The following MYO19 variants were observed in gnomAD, a reference collection of about 807,000 sequenced individuals.
MYO19 encodes the protein unconventional myosin-XIX.
Under a neutral mutation model 129.2 loss-of-function variants are expected in MYO19, and 132 were observed. The ratio of observed to expected loss-of-function variants is 1.02; its 90% CI spans 0.89 to 1.18. MYO19 has a LOEUF of 1.18. Among genes scored for constraint, MYO19 ranks in the 50% most tolerant of loss-of-function variants. The pLI, the probability that MYO19 is intolerant of heterozygous loss-of-function variation, is 0.00. For missense variants in MYO19, 1,210 were observed against 1,216.7 expected, an observed-to-expected ratio of 0.99 and a Z score of 0.08; for synonymous variants, 531 against 477.2, an observed-to-expected ratio of 1.11 and a Z score of -1.47.
At chr17:36,531,884 A>C (rs1273775742) in intron 3 of MYO19, among the ~76,000 whole-genome samples, 3 of 152,190 alleles carry the variant, frequency 2.0e-5, no homozygotes, top group Non-Finnish European at 4.4e-5. Flanking sequence ...GTAAAATAAA[A>C]AGTCAGCAAA....
At chr17:36,505,924 GCCT>G (rs2071851771) in intron 18 of MYO19, among the ~76,000 whole-genome samples, 1 of 152,144 alleles carries the variant, frequency 6.6e-6, no homozygotes, top group Non-Finnish European at 1.5e-5. Context: ...TTTTCCAGGT[GCCT>G]CCTCGAGGTG....
At chr17:36,514,965 C>T (rs1321716346) in intron 8 of MYO19, 148 bp downstream of exon 8, 2 of 656,968 alleles carry the variant, frequency 3.0e-6, no homozygotes, top group Non-Finnish European at 5.2e-6. Flanking sequence ...CAAAGATCAC[C>T]CTCAGAGCTC....
rs998390956 is a variant in MYO19, at chr17:36,510,999, A to G, written c.986-82T>C. The stretch of plus-strand genomic sequence containing the variant: ...GGCACTGTGAAGTCATCACAGCGGG[A>G]CCATGACTTGCCCAACTGGACAGAA... On this transcript the variant is annotated intron_variant, in intron 12 of 25. Transcript: ENST00000614623. 1.5e-5 allele frequency: 21 copies of G among 1,436,072 alleles called. No individual in the cohort carries two copies. In the African/African-American group the frequency reaches 3.0e-4, roughly 20 times the overall value. 89.0% of individuals were successfully genotyped at this position (1,436,072 alleles called of 1,614,324 possible). A position where few individuals can be genotyped will look rare whatever the true frequency, so the allele number is the denominator to read the frequency against.
upstream of MYO19, chr17:36,537,865 T>C (rs199762429): frequency 3.7e-5 from 59 of 1,613,958 alleles, no homozygotes; most frequent in Admixed American, 6.7e-5. Flanking sequence ...CTGTTGATTA[T>C]TTTTCCCCTA....
At chr17:36,538,177 T>C (rs1351557905), upstream of MYO19, 2 of 1,613,852 alleles carry the variant, frequency 1.2e-6, no homozygotes, top group Non-Finnish European at 1.7e-6. Flanking sequence ...GTAGTTCAAG[T>C]AAATGTAGAA....
chr17:36,511,757 G>A (rs1340377562), intron 11 of MYO19, among the ~76,000 whole-genome samples: 1 of 152,184 alleles, frequency 6.6e-6, no homozygotes, highest in Non-Finnish European at 1.5e-5. Context: ...TGTCTCCTGG[G>A]GCAGCCTGTG....
intron 23 of MYO19, 27 bp downstream of exon 23, chr17:36,500,803 G>C (rs1305849766): frequency 6.3e-7 from 1 of 1,590,772 alleles, no homozygotes; most frequent in South Asian, 1.1e-5. Flanking sequence ...TCTGTGAGCA[G>C]TGCTGACAGG....
Position 36,527,614 on chromosome 17 carries a change from C to T in MYO19, c.237G>A (p.Lys79=). Residue 79 remains lysine, a synonymous_variant, in exon 5 of 26, where the codon AAG becomes AAA. Coordinates refer to ENST00000614623, the MANE Select transcript of MYO19 (RefSeq NM_001163735.2). The part of the protein sequence containing the change: ...GCTLVALNPF[K]PVPQLYSPEL... ...CGGGCGAGTAGAGCTGAGGAACAGGCTTGAAGGGGTTCAAGGCTACCAGGG... is the reference window on the plus strand; with the variant it reads ...CGGGCGAGTAGAGCTGAGGAACAGGTTTGAAGGGGTTCAAGGCTACCAGGG... The T allele has an allele frequency of 1.2e-6, 2 of 1,613,992 alleles. No individual in the cohort carries two copies. Among genetic ancestry groups the T allele is most frequent in the Non-Finnish European group, 8.5e-7 (1 of 1,179,878 alleles).
chr17:36,515,649 G>C (rs1348423973), intron 7 of MYO19, among the ~76,000 whole-genome samples: 2 of 152,200 alleles, frequency 1.3e-5, no homozygotes, highest in East Asian at 1.9e-4. Context: ...GCCTAGGCTG[G>C]AGCGAGGAAG....
Position 36,507,872 on chromosome 17 carries a change from C to A in MYO19, c.1284G>T (p.Gln428His). 1 of 1,613,324 alleles carries A rather than the reference C, an allele frequency of 6.2e-7. No homozygotes were observed. Among genetic ancestry groups the A allele is most frequent in the South Asian group, 1.1e-5 (1 of 91,016 alleles). The change falls in exon 15 of 26, where the codon CAG (glutamine) becomes CAT (histidine). Residue 428 changes from glutamine (Q) to histidine (H), a missense_variant. Physicochemically the swap from Gln to His is conservative, Grantham distance 24 (BLOSUM62 0). Transcript: ENST00000614623. ...TCTCATTGGCGTAGTTGATGCACAACTGTTCCAGACTGTTGTCAGGAAATG... is the reference window on the plus strand; with the variant it reads ...TCTCATTGGCGTAGTTGATGCACAAATGTTCCAGACTGTTGTCAGGAAATG... Reference protein sequence around the residue: ...FESFPDNSLEQLCINYANEKL... With the variant: ...FESFPDNSLEHLCINYANEKL...
intron 6 of MYO19, among the ~76,000 whole-genome samples, chr17:36,518,115 G>A (rs914598745): frequency 1.3e-5 from 2 of 149,022 alleles, no homozygotes; most frequent in South Asian, 2.1e-4. Flanking sequence ...AGGTAATGAA[G>A]ATGTTGTGCT....
intron 3 of MYO19, among the ~76,000 whole-genome samples, chr17:36,530,399 A>G (rs1220167268): frequency 6.6e-6 from 1 of 151,870 alleles, no homozygotes; most frequent in Non-Finnish European, 1.5e-5. Flanking sequence ...GGATTTAGAA[A>G]GGCCATCTGG....
chr17:36,509,013 T>A (rs765025385), intron 14 of MYO19, 49 bp downstream of exon 14: 15 of 1,547,452 alleles, frequency 9.7e-6, no homozygotes, highest in Non-Finnish European at 8.9e-7. Context: ...CATCCAGGGC[T>A]TTATTGCTCT....
rs2070913843 is a variant in MYO19, at chr17:36,495,764, T to C, written c.*487A>G. 1.2e-5 allele frequency: 15 copies of C among 1,241,606 alleles called. No homozygotes were observed. The highest frequency in any genetic ancestry group is 1.4e-5 in the Non-Finnish European group (14 of 993,606). 76.9% of individuals were successfully genotyped at this position (1,241,606 alleles called of 1,614,324 possible). A position where few individuals can be genotyped will look rare whatever the true frequency, so the allele number is the denominator to read the frequency against. On this transcript the variant is annotated 3_prime_UTR_variant, in exon 26 of 26. Transcript: ENST00000614623. ...AAACGTGATTCTACTGTACATTGCA[T>C]TATTCATAATTTAATTGTTTGAAAT...
intron 25 of MYO19, chr17:36,497,511 T>C: frequency 1.0e-6 from 1 of 984,566 alleles, no homozygotes; most frequent in Non-Finnish European, 1.2e-6. Flanking sequence ...CTCTCAAGTC[T>C]TGGGTAGTTT....
intron 6 of MYO19, among the ~76,000 whole-genome samples, chr17:36,522,522 A>T (rs2073199592): frequency 6.6e-6 from 1 of 151,964 alleles, no homozygotes; most frequent in Non-Finnish European, 1.5e-5. Flanking sequence ...AAAAAGAAAA[A>T]AAAAAATAGA....
intron 6 of MYO19, among the ~76,000 whole-genome samples, chr17:36,518,503 AAAAAAAAAAAAAAAAAAAAAAAAAAT>A (rs1225582204): frequency 2.3e-5 from 1 of 44,054 alleles, no homozygotes; most frequent in African/African-American, 8.2e-5. Context: ...AAAAAAAAAA[AAAAAAAAAAAAAAAAAAAAAAAAAAT>A]ATATATATAT....
intron 25 of MYO19, among the ~76,000 whole-genome samples, chr17:36,497,332 A>AC (rs58134910): frequency 5.3e-5 from 8 of 151,678 alleles, no homozygotes; most frequent in African/African-American, 1.9e-4. Context: ...AAAAAAAAAA[A>AC]AACCCACAGA....
At chr17:36,509,401 C>T in intron 13 of MYO19, 1 of 539,422 alleles carries the variant, frequency 1.9e-6, no homozygotes, top group South Asian at 2.2e-5. Context: ...AGCTCAGCTC[C>T]TAGGCTGGGG....
Sources: gnomAD v4.1 joint callset for allele counts (sites outside exome capture counted in the v4.1 genomes callset) on GRCh38, gnomAD v4.1.1 for gene constraint, MANE v1.5 for transcripts, NCBI Gene and HGNC (gene_info 2026-07-23, HGNC 2026-07-21) for gene names.